The following AK5 variants were observed in gnomAD, a reference collection of about 807,000 sequenced individuals.
AK5 encodes adenylate kinase isoenzyme 5.
AK5 carries 27 observed loss-of-function variants against 69.5 expected under a neutral mutation model. The ratio of observed to expected loss-of-function variants is 0.39; its 90% CI spans 0.29 to 0.54. The LOEUF is 0.54. AK5 is among the 20% of genes least tolerant of loss of function. The probability of loss-of-function intolerance (pLI) is 0.71; values close to 1 mark genes in which losing one functional copy is unlikely to be tolerated. For synonymous variants in AK5, 260 were observed against 244.4 expected (o/e 1.06, Z -0.60); for missense variants, 531 against 700.4 (o/e 0.76, Z 2.73).
intron 6 of AK5, among the ~76,000 whole-genome samples, chr1:77,380,058 G>A (rs1008036068): frequency 2.6e-5 from 4 of 152,188 alleles, no homozygotes; most frequent in Admixed American, 2.0e-4. Context: ...GAATGCTTGA[G>A]TAAAGAATAC....
In AK5 at chr1:77,333,550, CCA is replaced by C. The variant is rs1661198054; in HGVS notation, c.700-6825_700-6824del. 2.7e-5 allele frequency among the ~76,000 whole-genome samples: 4 copies of C among 148,096 alleles called. No homozygotes were observed. In the South Asian group the frequency reaches 9.7e-4, roughly 36 times the overall value. On this transcript the variant is annotated intron_variant, in intron 5 of 13. Transcript: ENST00000354567. ...CAATTTTTATTTTTAAATCTCCCCCCCACCATGCTAGTTGATTGTATCTTATG... is the reference window on the plus strand; with the variant it reads ...CAATTTTTATTTTTAAATCTCCCCCCCCATGCTAGTTGATTGTATCTTATG...
chr1:77,315,977 T>C (rs539474948), intron 5 of AK5, among the ~76,000 whole-genome samples: 124 of 152,272 alleles, frequency 8.1e-4, no homozygotes, highest in Middle Eastern at 3.4e-3. Flanking sequence ...TTCAAACTCC[T>C]GTCGAAAGCA....
chr1:77,359,228 C>T (rs1646813021), intron 6 of AK5, among the ~76,000 whole-genome samples: 2 of 150,410 alleles, frequency 1.3e-5, no homozygotes, highest in South Asian at 4.2e-4. Context: ...GCACTCCAGC[C>T]TGGCGACAGA....
chr1:77,518,673 T>C lies in AK5; in HGVS notation c.1257T>C (p.Ser419=). ...ELLREELASE[S]ERSKLIRDIM... is the part of the protein sequence containing the mutation. Reference sequence around the variant, plus strand: ...TGCGTGAGGAACTGGCATCAGAATCTGAAAGAAGCAAATTGATCAGAGACA... The same window carrying C: ...TGCGTGAGGAACTGGCATCAGAATCCGAAAGAAGCAAATTGATCAGAGACA... Residue 419 remains serine, a synonymous_variant, in exon 11 of 14, where the codon TCT becomes TCC. Coordinates refer to ENST00000354567, the MANE Select transcript of AK5 (RefSeq NM_174858.3). 1.9e-6 allele frequency: 3 copies of C among 1,614,214 alleles called. No homozygotes were observed. Among genetic ancestry groups the C allele is most frequent in the Non-Finnish European group, 2.5e-6 (3 of 1,180,040 alleles).
At chr1:77,366,406 G>A (rs1263130684) in intron 6 of AK5, among the ~76,000 whole-genome samples, 2 of 152,084 alleles carry the variant, frequency 1.3e-5, no homozygotes, top group Non-Finnish European at 2.9e-5. Context: ...TCTCCCATAT[G>A]TTTAACAACC....
chr1:77,477,749 A>C (rs957730301), intron 8 of AK5, among the ~76,000 whole-genome samples: 6 of 152,182 alleles, frequency 3.9e-5, no homozygotes, highest in Non-Finnish European at 7.3e-5. Context: ...TTTTAGAGCA[A>C]GAAATTAATC....
intron 10 of AK5, among the ~76,000 whole-genome samples, chr1:77,506,364 A>T (rs371588514): frequency 6.6e-6 from 1 of 152,016 alleles, no homozygotes; most frequent in Non-Finnish European, 1.5e-5. Context: ...CAGTTTGGAA[A>T]TCTTGTCTGT....
At chr1:77,435,123 C>G (rs548956391) in intron 8 of AK5, among the ~76,000 whole-genome samples, 2 of 152,030 alleles carry the variant, frequency 1.3e-5, no homozygotes, top group East Asian at 1.9e-4. Context: ...GTTGAAGGAG[C>G]GAGTTATCAA....
intron 13 of AK5, among the ~76,000 whole-genome samples, chr1:77,541,067 C>T (rs573130681): frequency 6.6e-6 from 1 of 152,234 alleles, no homozygotes; most frequent in African/African-American, 2.4e-5. Flanking sequence ...CCACCACACC[C>T]AGCTAATGTT....
intron 8 of AK5, among the ~76,000 whole-genome samples, chr1:77,431,220 C>T (rs1415241192): frequency 1.3e-5 from 2 of 152,190 alleles, no homozygotes; most frequent in Non-Finnish European, 2.9e-5. Flanking sequence ...GCTAAGGAAA[C>T]ACAACAGGAT....
intron 8 of AK5, among the ~76,000 whole-genome samples, chr1:77,429,221 G>C (rs1651428970): frequency 6.6e-6 from 1 of 152,198 alleles, no homozygotes; most frequent in South Asian, 2.1e-4. Context: ...CCCACCAACA[G>C]TGTAAAAGTG....
chr1:77,356,694 A>G (rs1475730283), intron 6 of AK5, among the ~76,000 whole-genome samples: 2 of 152,216 alleles, frequency 1.3e-5, no homozygotes, highest in Non-Finnish European at 2.9e-5. Flanking sequence ...AGATATTCTT[A>G]TTATTTTGAT....
At chr1:77,355,323 G>A (rs1397515010) in intron 6 of AK5, among the ~76,000 whole-genome samples, 1 of 152,198 alleles carries the variant, frequency 6.6e-6, no homozygotes, top group Non-Finnish European at 1.5e-5. Context: ...ATATCAAGTA[G>A]TGCATTTTCT....
At chr1:77,439,151 T>A (rs1354142635) in intron 8 of AK5, among the ~76,000 whole-genome samples, 1 of 152,122 alleles carries the variant, frequency 6.6e-6, no homozygotes, top group Non-Finnish European at 1.5e-5. Flanking sequence ...AGAGAGAGAC[T>A]CTCTGAAAGA....
At chr1:77,476,937 CA>C (rs1654975678) in intron 8 of AK5, among the ~76,000 whole-genome samples, 1 of 147,996 alleles carries the variant, frequency 6.8e-6, no homozygotes, top group South Asian at 2.1e-4. Context: ...AAGGAAAGTG[CA>C]AAAAAATTCA....
intron 10 of AK5, among the ~76,000 whole-genome samples, chr1:77,493,325 G>T (rs1260633838): frequency 6.9e-6 from 1 of 145,122 alleles, no homozygotes; most frequent in East Asian, 2.1e-4. Flanking sequence ...TTGGACACCA[G>T]CAGCCCCCCC....
chr1:77,333,067 A>G (rs533582855), intron 5 of AK5, among the ~76,000 whole-genome samples: 3 of 151,986 alleles, frequency 2.0e-5, no homozygotes, highest in Non-Finnish European at 4.4e-5. Context: ...AGCTCTAGGT[A>G]ATACTTTTCT....
intron 6 of AK5, among the ~76,000 whole-genome samples, chr1:77,356,103 C>A (rs185652518): frequency 6.6e-6 from 1 of 152,078 alleles, no homozygotes; most frequent in Non-Finnish European, 1.5e-5. Context: ...AGACTTAGAT[C>A]TCTTGGTTAA....
chr1:77,530,757 A>C (rs1658529413), intron 12 of AK5, among the ~76,000 whole-genome samples: 1 of 152,194 alleles, frequency 6.6e-6, no homozygotes, highest in Non-Finnish European at 1.5e-5. Flanking sequence ...AGAATAAGAT[A>C]GTTGTTATTC....
Sources: gnomAD v4.1 joint callset for allele counts (sites outside exome capture counted in the v4.1 genomes callset) on GRCh38, gnomAD v4.1.1 for gene constraint, MANE v1.5 for transcripts, NCBI Gene and HGNC (gene_info 2026-07-23, HGNC 2026-07-21) for gene names.